The following FRMD7 variants were observed in gnomAD, a reference collection of about 807,000 sequenced individuals.
FRMD7 encodes the protein FERM domain containing 7, also known as FERM domain-containing protein 7.
In FRMD7, 14 loss-of-function variants were observed where a neutral mutation model predicts 44.1. The ratio of observed to expected loss-of-function variants is 0.32; its 90% CI spans 0.21 to 0.50. The LOEUF (loss-of-function observed/expected upper bound fraction) is 0.50. FRMD7 is among the 20% of genes least tolerant of loss of function. The pLI, the probability that FRMD7 is intolerant of heterozygous loss-of-function variation, is 0.99. For synonymous variants in FRMD7, 212 were observed against 187.4 expected (o/e 1.13, Z -1.07); for missense variants, 501 against 522.3 (o/e 0.96, Z 0.40).
At chrX:132,126,429 C>T (rs1040751336) in intron 1 of FRMD7, among the ~76,000 whole-genome samples, 2 of 111,538 alleles carry the variant, frequency 1.8e-5, no homozygotes, top group African/African-American at 6.5e-5. Context: ...GTGGCTCTTC[C>T]GTAGGTGAAT....
intron 6 of FRMD7, 58 bp downstream of exon 6, chrX:132,085,862 T>C (rs907110005): frequency 3.6e-5 from 37 of 1,020,746 alleles, no homozygotes; most frequent in Non-Finnish European, 4.6e-5. Context: ...CTTAAGAGTC[T>C]GTCCCCAATT....
chrX:132,119,575 G>T (rs920588798), intron 1 of FRMD7, among the ~76,000 whole-genome samples: 3 of 111,193 alleles, frequency 2.7e-5, no homozygotes, highest in African/African-American at 9.8e-5. Context: ...CCCCTTTCTG[G>T]CCCCACACCT....
chrX:132,085,792 G>T lies in FRMD7; in HGVS notation c.498-64C>A, dbSNP rs141000258. 34 of 1,097,516 alleles carry T rather than the reference G, an allele frequency of 3.1e-5. No homozygotes were observed. The South Asian group carries it at 5.3e-4, about 17-fold the overall frequency. The allele number at this position is 1,097,516 out of a possible 1,213,427, so 90.4% of individuals were successfully genotyped here. The stretch of plus-strand genomic sequence containing the variant: ...CAAGAATGACATTTCCACCCTGAGA[G>T]CTCCATGAGGATCTCAGCGTTTCAT... On this transcript the variant is annotated intron_variant, in intron 6 of 11. Coordinates refer to ENST00000298542, the MANE Select transcript of FRMD7 (RefSeq NM_194277.3).
chrX:132,110,696 CCTAT>C (rs1928756940), intron 1 of FRMD7, among the ~76,000 whole-genome samples: 1 of 112,309 alleles, frequency 8.9e-6, no homozygotes, highest in Non-Finnish European at 1.9e-5. Flanking sequence ...CCCACACCAA[CCTAT>C]CTGAGAGTGG....
intron 4 of FRMD7, 69 bp from the exon 5 acceptor site, chrX:132,094,208 C>G (rs1275778838): frequency 1.5e-6 from 1 of 680,789 alleles, no homozygotes; most frequent in East Asian, 3.3e-5. Flanking sequence ...TTCCTTCTCC[C>G]AGATCCAAGA....
chrX:132,094,024 C>G lies in FRMD7; in HGVS notation c.382+18G>C. On this transcript the variant is annotated intron_variant, in intron 5 of 11. Transcript: ENST00000298542. ...CCTGGCTGATAGGTCCCAAAGCAGA[C>G]AGACATTTGCTACTTACATTGTAAG... 2.0e-6 allele frequency: 2 copies of G among 1,013,430 alleles called. No individual in the cohort carries two copies. The highest frequency in any genetic ancestry group is 2.8e-6 in the Non-Finnish European group (2 of 715,358). 83.5% of individuals were successfully genotyped at this position (1,013,430 alleles called of 1,213,427 possible). A position where few individuals can be genotyped will look rare whatever the true frequency, so the allele number is the denominator to read the frequency against.
intron 3 of FRMD7, 81 bp downstream of exon 3, chrX:132,099,387 T>A: frequency 1.3e-6 from 1 of 778,410 alleles, no homozygotes; most frequent in Non-Finnish European, 2.0e-6. Flanking sequence ...TATATTAAAA[T>A]GAGAAATTGT....
chrX:132,113,888 A>AT (rs200478978), intron 1 of FRMD7, among the ~76,000 whole-genome samples: 8 of 108,329 alleles, frequency 7.4e-5, no homozygotes, highest in East Asian at 2.9e-4. Flanking sequence ...TCATTCTTCT[A>AT]TTTTTTTTTC....
intron 1 of FRMD7, among the ~76,000 whole-genome samples, chrX:132,118,000 T>A (rs1429644372): frequency 8.9e-6 from 1 of 112,269 alleles, no homozygotes; most frequent in East Asian, 2.8e-4. Flanking sequence ...AAATGTCTAA[T>A]AATTTTTTGT....
chrX:132,094,784 T>C (rs999473485), intron 4 of FRMD7, among the ~76,000 whole-genome samples: 6 of 111,760 alleles, frequency 5.4e-5, no homozygotes, highest in African/African-American at 2.0e-4. Context: ...ATCTTCTCTG[T>C]ATCACCAGTG....
At chrX:132,084,250 C>A (rs1280114830) in intron 8 of FRMD7, among the ~76,000 whole-genome samples, 1 of 111,765 alleles carries the variant, frequency 8.9e-6, no homozygotes, top group Non-Finnish European at 1.9e-5. Context: ...GCCTTTCAGC[C>A]GAGCTGCCCC....
At chrX:132,084,451 T>C (rs781203168) in intron 8 of FRMD7, 39 bp downstream of exon 8, 32 of 864,753 alleles carry the variant, frequency 3.7e-5, no homozygotes, top group Non-Finnish European at 5.3e-5. Flanking sequence ...AAATTCCCAG[T>C]GAACAGAAAG....
chrX:132,120,551 G>C (rs1197120396), intron 1 of FRMD7, among the ~76,000 whole-genome samples: 1 of 112,982 alleles, frequency 8.9e-6, no homozygotes, highest in Non-Finnish European at 1.9e-5. Flanking sequence ...TTCCGCCATG[G>C]CCTCAAATGT....
rs147096808 is a variant in FRMD7, at chrX:132,090,798, C to T, written c.382+3244G>A. On this transcript the variant is annotated intron_variant, in intron 5 of 11. Coordinates refer to ENST00000298542, the MANE Select transcript of FRMD7 (RefSeq NM_194277.3). Reference sequence around the variant, plus strand: ...ATTTTCCAGTTTATTAACCACAAATCCCACGTTGACCCTAAGAAAAACAAA... The same window carrying T: ...ATTTTCCAGTTTATTAACCACAAATTCCACGTTGACCCTAAGAAAAACAAA... Among the ~76,000 whole-genome samples, 146 of 111,428 alleles carry T rather than the reference C, an allele frequency of 1.3e-3. 2 individuals carry two copies. In the East Asian group the frequency reaches 0.038, roughly 29 times the overall value.
chrX:132,091,840 A>G (rs1928184316), intron 5 of FRMD7, among the ~76,000 whole-genome samples: 1 of 111,382 alleles, frequency 9.0e-6, no homozygotes, highest in Non-Finnish European at 1.9e-5. Flanking sequence ...ATCTCAAAAA[A>G]TAATATTTAT....
intron 1 of FRMD7, among the ~76,000 whole-genome samples, chrX:132,109,658 A>G (rs1928730419): frequency 9.0e-6 from 1 of 111,410 alleles, no homozygotes; most frequent in African/African-American, 3.3e-5. Context: ...AGTTTGAGCT[A>G]AGTGATTTTG....
chrX:132,086,802 C>T (rs1481020509), intron 5 of FRMD7, among the ~76,000 whole-genome samples: 5 of 111,954 alleles, frequency 4.5e-5, no homozygotes, highest in East Asian at 5.6e-4. Context: ...AGCCATCCAA[C>T]CCCACTCCAT....
chrX:132,111,128 A>T (rs1928768486), intron 1 of FRMD7, among the ~76,000 whole-genome samples: 3 of 112,148 alleles, frequency 2.7e-5, no homozygotes, highest in Admixed American at 1.9e-4. Flanking sequence ...ATATGATCAC[A>T]TCACTGTACT....
Position 132,078,331 on chromosome X carries a change from G to A in FRMD7, c.1686C>T (p.Asn562=), listed in dbSNP as rs1927683975. The A allele has an allele frequency of 8.3e-7, 1 of 1,211,720 alleles. No individual in the cohort carries two copies. The highest frequency in any genetic ancestry group is 1.7e-5 in the African/African-American group (1 of 57,839). ...EAIARTSGRS[N]INVGLEEEDP... The stretch of plus-strand genomic sequence containing the variant: ...CTTCCTCTTCTAGACCTACATTGAT[G>A]TTGCTCCTACCGCTAGTCCTGGCTA... Residue 562 remains asparagine (N), a synonymous_variant, in exon 12 of 12, where the codon AAC becomes AAT. Coordinates refer to ENST00000298542, the MANE Select transcript of FRMD7 (RefSeq NM_194277.3).
Sources: gnomAD v4.1 joint callset for allele counts (sites outside exome capture counted in the v4.1 genomes callset) on GRCh38, gnomAD v4.1.1 for gene constraint, MANE v1.5 for transcripts, NCBI Gene and HGNC (gene_info 2026-07-23, HGNC 2026-07-21) for gene names.